HTR3B: variants seen among roughly 807,000 people sequenced by gnomAD.
HTR3B encodes 5-hydroxytryptamine (serotonin) receptor 3B, ionotropic.
A neutral mutation model predicts 42.8 loss-of-function variants in HTR3B; 44 were observed. That is an observed-to-expected ratio of 1.03 (90% CI 0.81 to 1.32). The LOEUF (loss-of-function observed/expected upper bound fraction) is 1.32. HTR3B is among the 40% of genes most tolerant of loss of function. HTR3B has a pLI of 0.00. For missense variants in HTR3B, 527 were observed against 536.5 expected (o/e 0.98, Z 0.17); for synonymous variants, 203 against 209.0 (o/e 0.97, Z 0.25).
chr11:113,929,178 T>C (rs1950007054), intron 2 of HTR3B, among the ~76,000 whole-genome samples: 1 of 152,348 alleles, frequency 6.6e-6, no homozygotes, highest in Non-Finnish European at 1.5e-5. Flanking sequence ...CCAACACTTG[T>C]TATTTTCTGC....
chr11:113,917,701 C>G (rs150671058), intron 2 of HTR3B, among the ~76,000 whole-genome samples: 18 of 151,856 alleles, frequency 1.2e-4, no homozygotes, highest in African/African-American at 4.4e-4. Context: ...ACCTCCTGGG[C>G]TCAGACAATT....
In HTR3B at chr11:113,946,656, T is replaced by C. The variant is rs562833822; in HGVS notation, c.*519T>C. 1 of 152,444 alleles carries C rather than the reference T, an allele frequency of 6.6e-6. No individual in the cohort carries two copies. The highest frequency in any genetic ancestry group is 1.9e-4 in the East Asian group (1 of 5,188). 9.4% of individuals were successfully genotyped at this position (152,444 alleles called of 1,614,324 possible). A position where few individuals can be genotyped will look rare whatever the true frequency, so the allele number is the denominator to read the frequency against. On this transcript the variant is annotated 3_prime_UTR_variant, in exon 9 of 9. Transcript: ENST00000260191. The stretch of plus-strand genomic sequence containing the variant: ...TGAAAATGTATAAACAGTATGAGTA[T>C]ACAGTAAAAAAGTAAACTTTCCTTC...
At position 113,946,017 on chromosome 11, in the gene HTR3B, G is replaced by A; in HGVS notation, c.1206G>A (p.Glu402=). The change falls in exon 9 of 9, where the codon GAG becomes GAA. Residue 402 remains glutamate, a synonymous_variant. Transcript: ENST00000260191. ...LQTQDQTDQQ[E]AEWLVLLSRF... ...CTCAGGACCAGACAGACCAACAGGA[G>A]GCAGAGTGGCTGGTCCTCCTGTCCC... 3 of 1,614,100 alleles carry A rather than the reference G, an allele frequency of 1.9e-6. No homozygotes were observed. Among genetic ancestry groups the A allele is most frequent in the Non-Finnish European group, 2.5e-6 (3 of 1,180,024 alleles).
At chr11:113,903,161 G>A (rs745955099), upstream of HTR3B, among the ~76,000 whole-genome samples, 4 of 151,806 alleles carry the variant, frequency 2.6e-5, no homozygotes, top group Non-Finnish European at 5.9e-5. Context: ...ATGAGCCATT[G>A]CACCTGGCCC....
intron 6 of HTR3B, among the ~76,000 whole-genome samples, chr11:113,934,205 G>A (rs991556617): frequency 4.6e-5 from 7 of 152,102 alleles, no homozygotes; most frequent in African/African-American, 4.8e-5. Context: ...TGGCCAACAT[G>A]GCAAAACCCC....
At chr11:113,906,531 C>G (rs1462000362) in intron 1 of HTR3B, among the ~76,000 whole-genome samples, 1 of 152,182 alleles carries the variant, frequency 6.6e-6, no homozygotes, top group Non-Finnish European at 1.5e-5. Flanking sequence ...CCTGAAAACA[C>G]ATGCAGAAAA....
Position 113,947,991 on chromosome 11 carries a change from C to A in HTR3B, c.*1854C>A, listed in dbSNP as rs534222721. On this transcript the variant is annotated 3_prime_UTR_variant, in exon 9 of 9. Transcript: ENST00000260191. ...GAAAAATCTGCCCCCCTCCATCCCC[C>A]CAAAGAAAAAGAATTTAAATTCAAA... Among the ~76,000 whole-genome samples the A allele has an allele frequency of 2.6e-5, 4 of 152,010 alleles. No homozygotes were observed. Among genetic ancestry groups the A allele is most frequent in the South Asian group, 2.1e-4 (1 of 4,818 alleles).
At chr11:113,944,783 C>G (rs368216388) in intron 8 of HTR3B, 28 bp downstream of exon 8, 9 of 1,600,808 alleles carry the variant, frequency 5.6e-6, no homozygotes, top group Non-Finnish European at 7.7e-6. Flanking sequence ...TGTTTCTCCC[C>G]CGTCTGGATT....
chr11:113,910,442 C>CT lies in HTR3B; in HGVS notation c.213+1003dup, dbSNP rs34377344. 6.2e-3 allele frequency among the ~76,000 whole-genome samples: 843 copies of CT among 136,238 alleles called. 7 individuals are homozygous for CT. The highest frequency in any genetic ancestry group is 0.016 in the African/African-American group (561 of 36,054). 89.4% of individuals were successfully genotyped at this position (136,238 alleles called of 152,430 possible). On this transcript the variant is annotated intron_variant, in intron 2 of 8. Coordinates refer to ENST00000260191, the MANE Select transcript of HTR3B (RefSeq NM_006028.5). ...CCCAGAGTTATTTTGATTTCTCTCTCTTTTTTTTTTTTTTTTGAGACGGAG... is the reference window on the plus strand; with the variant it reads ...CCCAGAGTTATTTTGATTTCTCTCTCTTTTTTTTTTTTTTTTTGAGACGGAG...
intron 8 of HTR3B, 132 bp from the exon 9 acceptor site, chr11:113,945,770 A>G (rs1950171840): frequency 8.9e-6 from 6 of 671,376 alleles, no homozygotes; most frequent in African/African-American, 5.4e-5. Flanking sequence ...AGAGTACCCA[A>G]CCCAAACACA....
chr11:113,930,767 G>A (rs960442281), intron 2 of HTR3B, among the ~76,000 whole-genome samples: 8 of 151,998 alleles, frequency 5.3e-5, no homozygotes, highest in Non-Finnish European at 8.8e-5. Flanking sequence ...GGAATCACAG[G>A]GACGAACCAC....
Position 113,922,546 on chromosome 11 carries a change from T to C in HTR3B, c.214-8838T>C, listed in dbSNP as rs200190009. On this transcript the variant is annotated intron_variant, in intron 2 of 8. Transcript: ENST00000260191. ...GCCGGGCTGAGCCAAGTCTGTGTTTTTATTTTATTTATTTATTTTTTCTGA... is the reference window on the plus strand; with the variant it reads ...GCCGGGCTGAGCCAAGTCTGTGTTTCTATTTTATTTATTTATTTTTTCTGA... Among the ~76,000 whole-genome samples the C allele has an allele frequency of 1.4e-4, 21 of 150,696 alleles. No homozygotes were observed. The East Asian group carries it at 3.6e-3, about 26-fold the overall frequency.
At position 113,945,993 on chromosome 11, in the gene HTR3B, T is replaced by C; in HGVS notation, c.1182T>C (p.Thr394=). 6.2e-7 allele frequency: 1 copy of C among 1,613,986 alleles called. No individual in the cohort carries two copies. The highest frequency in any genetic ancestry group is 8.5e-7 in the Non-Finnish European group (1 of 1,179,964). ...QLQSISNYLQ[T]QDQTDQQEAE... ...AATCTATCAGCAACTACCTCCAAACTCAGGACCAGACAGACCAACAGGAGG... is the reference window on the plus strand; with the variant it reads ...AATCTATCAGCAACTACCTCCAAACCCAGGACCAGACAGACCAACAGGAGG... The change falls in exon 9 of 9, where the codon ACT becomes ACC. Residue 394 remains threonine (T), a synonymous_variant. Coordinates refer to ENST00000260191, the MANE Select transcript of HTR3B (RefSeq NM_006028.5).
Position 113,930,075 on chromosome 11 carries a change from G to A in HTR3B, c.214-1309G>A, listed in dbSNP as rs7127980. On this transcript the variant is annotated intron_variant, in intron 2 of 8. Transcript: ENST00000260191. The stretch of plus-strand genomic sequence containing the variant: ...ACAGGGCTGCTTGTCTTTTGTTGTC[G>A]TTGAGTTGTGGGAGTTCTTTATGTC... 6.5e-3 allele frequency among the ~76,000 whole-genome samples: 994 copies of A among 152,204 alleles called. 6 individuals carry two copies. The highest frequency in any genetic ancestry group is 0.023 in the African/African-American group (938 of 41,524).
chr11:113,930,359 A>G (rs1950021258), intron 2 of HTR3B, among the ~76,000 whole-genome samples: 1 of 151,848 alleles, frequency 6.6e-6, no homozygotes, highest in Admixed American at 6.6e-5. Context: ...ATTCATTTTG[A>G]GTTAATGTTT....
chr11:113,935,592 C>T (rs564168617), intron 6 of HTR3B, among the ~76,000 whole-genome samples: 5 of 152,168 alleles, frequency 3.3e-5, no homozygotes, highest in African/African-American at 4.8e-5. Context: ...CTGCTCTGTG[C>T]ACAGAGCCTA....
chr11:113,913,799 C>A (rs938744379), intron 2 of HTR3B, among the ~76,000 whole-genome samples: 9 of 152,138 alleles, frequency 5.9e-5, no homozygotes, highest in Non-Finnish European at 1.3e-4. Context: ...CAGGAGTGAG[C>A]CACCACGCCC....
chr11:113,921,696 A>G (rs1340252649), intron 2 of HTR3B, among the ~76,000 whole-genome samples: 1 of 152,110 alleles, frequency 6.6e-6, no homozygotes, highest in African/African-American at 2.4e-5. Context: ...AAGTATTTAT[A>G]TTAATATTTT....
intron 8 of HTR3B, 87 bp from the exon 9 acceptor site, chr11:113,945,815 A>C: frequency 1.1e-6 from 1 of 924,158 alleles, no homozygotes; most frequent in Non-Finnish European, 1.7e-6. Flanking sequence ...ACTTTCCTTG[A>C]AGGATGAGGC....
Sources: allele counts gnomAD v4.1 joint callset (sites outside exome capture counted in the v4.1 genomes callset), GRCh38; gene constraint gnomAD v4.1.1; transcripts MANE v1.5; gene names NCBI Gene and HGNC (gene_info 2026-07-23, HGNC 2026-07-21).